ZNF558: variants seen among roughly 807,000 people sequenced by gnomAD.
ZNF558 encodes the protein zinc finger protein 558.
A neutral mutation model predicts 37.6 loss-of-function variants in ZNF558; 23 were observed. The observed-to-expected ratio is 0.61, with a 90% CI of 0.44 to 0.87. ZNF558 has a LOEUF of 0.87. Ranked by LOEUF, ZNF558 falls within the 40% of genes least tolerant of loss-of-function variation. ZNF558 has a pLI of 0.00. For synonymous variants in ZNF558, 189 were observed against 174.4 expected, an observed-to-expected ratio of 1.08 and a Z score of -0.66; for missense variants, 429 against 483.7, an observed-to-expected ratio of 0.89 and a Z score of 1.06.
chr19:8,832,880 C>T (rs528565863), upstream of ZNF558, among the ~76,000 whole-genome samples: 2 of 150,166 alleles, frequency 1.3e-5, no homozygotes, highest in Non-Finnish European at 1.5e-5. Context: ...AGCTCCGGGC[C>T]GGGCGGAGGG....
At chr19:8,820,127 C>A (rs76846901) in intron 7 of ZNF558, among the ~76,000 whole-genome samples, 1,980 of 152,216 alleles carry the variant, frequency 0.013, 36 homozygotes, top group African/African-American at 0.044. Context: ...TGAGTATAAT[C>A]AAAAAGGCAA....
intron 7 of ZNF558, among the ~76,000 whole-genome samples, chr19:8,817,039 G>C (rs940887999): frequency 2.6e-5 from 4 of 152,022 alleles, no homozygotes; most frequent in African/African-American, 7.2e-5. Context: ...AAAGAAATGA[G>C]AAGGGAATCA....
intron 7 of ZNF558, among the ~76,000 whole-genome samples, chr19:8,814,580 A>G (rs2043883025): frequency 6.6e-6 from 1 of 152,194 alleles, no homozygotes; most frequent in South Asian, 2.1e-4. Flanking sequence ...GGCTGGGAGC[A>G]TGCCCAGAAA....
At position 8,811,977 on chromosome 19, in the gene ZNF558, C is replaced by T. The variant is rs1555768341; in HGVS notation, c.513G>A (p.Lys171=). Residue 171 remains lysine (K), a synonymous_variant, in exon 10 of 10, where the codon AAG becomes AAA. Transcript: ENST00000601372. The stretch of plus-strand genomic sequence containing the variant: ...AGGGTTTTTCTCCAGTATGAATTCT[C>T]TTGTGCTGAGTTAGGTTAGATTTCG... ...FSTKSNLTQH[K]RIHTGEKPYD... The T allele has an allele frequency of 1.9e-6, 3 of 1,613,902 alleles. No homozygotes were observed. Among genetic ancestry groups the T allele is most frequent in the East Asian group, 2.2e-5 (1 of 44,890 alleles).
At chr19:8,821,425 G>A (rs190005648) in intron 6 of ZNF558, 119 bp from the exon 7 acceptor site, 4 of 1,587,110 alleles carry the variant, frequency 2.5e-6, no homozygotes, top group Non-Finnish European at 3.4e-6. Context: ...TGTTGGGGGG[G>A]GTGGTTCTGA....
the ZNF558 span, among the ~76,000 whole-genome samples, chr19:8,838,109 G>A: frequency 1.3e-4 from 20 of 151,614 alleles, no homozygotes; most frequent in Admixed American, 3.9e-4. Flanking sequence ...TAAGCTGGGC[G>A]TGGTGGTGCA....
upstream of ZNF558, among the ~76,000 whole-genome samples, chr19:8,835,132 T>C (rs1225234270): frequency 6.6e-6 from 1 of 151,676 alleles, no homozygotes; most frequent in Non-Finnish European, 1.5e-5. Context: ...GCTCACTGCA[T>C]CCTCTGCCTC....
rs1555769042 is a variant in ZNF558 at position 8,813,205 on chromosome 19, G to A, written c.265C>T (p.Pro89Ser). 1.9e-6 allele frequency: 3 copies of A among 1,594,976 alleles called. No individual in the cohort carries two copies. Among genetic ancestry groups the A allele is most frequent in the Non-Finnish European group, 2.6e-6 (3 of 1,169,722 alleles). The change falls in exon 8 of 10, where the codon CCC becomes TCC. Residue 89 changes from proline to serine, a missense_variant. By Grantham distance (74) the Pro-to-Ser change is moderately conservative. Transcript: ENST00000601372. ...TGTTCCAACTGGGATATCAGACTGG[G>A]TTTATTAACACGACACCCTATTTAT... ...LASLGCRVNK[P>S]SLISQLEQDK... is the part of the protein sequence containing the mutation.
rs1257038694 is a variant in ZNF558 at position 8,832,255 on chromosome 19, C to G, written c.-639G>C. ...GGCCAAAAGCGCCGACTCGCGGGGA[C>G]GGAGGGACTCGCTCCCCGCTGCCCC... On this transcript the variant is annotated 5_prime_UTR_variant, in exon 1 of 10. Coordinates refer to ENST00000601372, the MANE Select transcript of ZNF558 (RefSeq NM_144693.3). 6.6e-6 allele frequency: 1 copy of G among 152,030 alleles called. No individual in the cohort carries two copies. Among genetic ancestry groups the G allele is most frequent in the Admixed American group, 6.5e-5 (1 of 15,268 alleles). 9.4% of individuals were successfully genotyped at this position (152,030 alleles called of 1,614,324 possible). A position where few individuals can be genotyped will look rare whatever the true frequency, so the allele number is the denominator to read the frequency against.
rs1335618569 is a variant in ZNF558 at position 8,810,645 on chromosome 19, G to A, written c.*636C>T. 6.6e-6 allele frequency: 1 copy of A among 152,234 alleles called. No homozygotes were observed. The highest frequency in any genetic ancestry group is 1.5e-5 in the Non-Finnish European group (1 of 68,094). The allele number at this position is 152,234 out of a possible 1,614,324, so 9.4% of individuals were successfully genotyped here. A position where few individuals can be genotyped will look rare whatever the true frequency, so the allele number is the denominator to read the frequency against. ...AGAGTAGAAGGATGATGTGCTGAGG[G>A]CTTTTCTTCATTAATTCCATGGCAA... is the stretch of plus-strand genomic sequence containing the variant. On this transcript the variant is annotated 3_prime_UTR_variant, in exon 10 of 10. Coordinates refer to ENST00000601372, the MANE Select transcript of ZNF558 (RefSeq NM_144693.3).
At chr19:8,813,859 G>T (rs2043861241) in intron 7 of ZNF558, among the ~76,000 whole-genome samples, 1 of 152,204 alleles carries the variant, frequency 6.6e-6, no homozygotes, top group Non-Finnish European at 1.5e-5. Context: ...TAGATCTTCA[G>T]TTCATAAGGC....
Position 8,810,124 on chromosome 19 carries a change from T to C in ZNF558, c.*1157A>G, listed in dbSNP as rs1555767213. 2 of 152,216 alleles carry C rather than the reference T, an allele frequency of 1.3e-5. No homozygotes were observed. Among genetic ancestry groups the C allele is most frequent in the Non-Finnish European group, 2.9e-5 (2 of 68,044 alleles). The allele number at this position is 152,216 out of a possible 1,614,324, so 9.4% of individuals were successfully genotyped here. On this transcript the variant is annotated 3_prime_UTR_variant, in exon 10 of 10. Transcript: ENST00000601372. ...TCAAGTTTCTCTGTAGTGTGAATGC[T>C]CACAAGTTTCCTAACAAATGTAGAA...
chr19:8,829,003 T>C (rs944880627), intron 2 of ZNF558, among the ~76,000 whole-genome samples: 3 of 149,056 alleles, frequency 2.0e-5, no homozygotes, highest in Non-Finnish European at 3.0e-5. Flanking sequence ...GGCTCATGCC[T>C]GTATCATCTC....
upstream of ZNF558, among the ~76,000 whole-genome samples, chr19:8,834,117 T>C (rs1302086094): frequency 2.0e-5 from 3 of 152,244 alleles, no homozygotes; most frequent in Admixed American, 2.0e-4. Flanking sequence ...TTTCAATGAA[T>C]GATATTGTTT....
chr19:8,829,191 C>G (rs2967736), intron 2 of ZNF558, among the ~76,000 whole-genome samples: 137,393 of 151,712 alleles, frequency 0.91, 62,199 homozygotes, highest in Middle Eastern at 0.95. Context: ...CCCGGGAGGC[C>G]GGGGGTTGCA....
Position 8,822,124 on chromosome 19 carries a change from G to A in ZNF558, c.32-33C>T, listed in dbSNP as rs759573649. The A allele has an allele frequency of 4.3e-6, 7 of 1,612,986 alleles. No individual in the cohort carries two copies. Among genetic ancestry groups the A allele is most frequent in the Middle Eastern group, 3.3e-4 (2 of 6,056 alleles). On this transcript the variant is annotated intron_variant, in intron 5 of 9. Coordinates refer to ENST00000601372, the MANE Select transcript of ZNF558 (RefSeq NM_144693.3). This position sits in a 1 kb window ranked among gnomAD's most constrained non-coding sequence, Gnocchi z 4.4. The stretch of plus-strand genomic sequence containing the variant: ...AGGAGAAATGAGTCCCATGGATTCA[G>A]GCTTGTCTGACACCCACAGATCTGC...
At chr19:8,817,769 T>C (rs2043975769) in intron 7 of ZNF558, among the ~76,000 whole-genome samples, 1 of 152,196 alleles carries the variant, frequency 6.6e-6, no homozygotes, top group Non-Finnish European at 1.5e-5. Context: ...GTATAAAGCA[T>C]CAATTTATGG....
chr19:8,817,581 T>C (rs1467076501), intron 7 of ZNF558, among the ~76,000 whole-genome samples: 2 of 152,134 alleles, frequency 1.3e-5, no homozygotes, highest in African/African-American at 4.8e-5. Context: ...ATGGTATTTT[T>C]AACTTACAAT....
rs55913546 is a variant in ZNF558 at position 8,807,151 on chromosome 19, C to T, written c.*4130G>A. Reference sequence around the variant, plus strand: ...AGTGAGGTCTGACCCTGGCTATTTCCTGCAGGAGGACCTGGGGCTGGATGC... The same window carrying T: ...AGTGAGGTCTGACCCTGGCTATTTCTTGCAGGAGGACCTGGGGCTGGATGC... On this transcript the variant is annotated 3_prime_UTR_variant, in exon 10 of 10. Transcript: ENST00000601372. 3 of 152,202 alleles carry T rather than the reference C, an allele frequency of 2.0e-5. No individual in the cohort carries two copies. Among genetic ancestry groups the T allele is most frequent in the Non-Finnish European group, 4.4e-5 (3 of 68,058 alleles). 9.4% of individuals were successfully genotyped at this position (152,202 alleles called of 1,614,324 possible).
Sources: allele counts gnomAD v4.1 joint callset (sites outside exome capture counted in the v4.1 genomes callset), GRCh38; gene constraint gnomAD v4.1.1; non-coding constraint Gnocchi (gnomAD v3.1); transcripts MANE v1.5; gene names NCBI Gene and HGNC (gene_info 2026-07-23, HGNC 2026-07-21).